Variants in SMYD3 observed in about 807,000 individuals in gnomAD.
SMYD3 encodes the protein histone-lysine N-methyltransferase SMYD3.
In SMYD3, 36 loss-of-function variants were observed where a neutral mutation model predicts 57.7. The observed-to-expected ratio is 0.62, with a 90% CI of 0.48 to 0.82. SMYD3 has a LOEUF of 0.82. Ranked by LOEUF, SMYD3 falls within the 40% of genes least tolerant of loss-of-function variation. SMYD3 has a pLI of 0.00. For synonymous variants in SMYD3, 211 were observed against 195.0 expected (o/e 1.08, Z -0.68); for missense variants, 515 against 538.8 (o/e 0.96, Z 0.44).
chr1:246,241,885 T>C (rs992329343), intron 5 of SMYD3, among the ~76,000 whole-genome samples: 13 of 152,252 alleles, frequency 8.5e-5, no homozygotes, highest in African/African-American at 3.1e-4. Flanking sequence ...TGCATAGAGG[T>C]GTTTATAGTA....
chr1:246,327,855 G>A (rs1412704215), intron 4 of SMYD3, among the ~76,000 whole-genome samples: 1 of 152,124 alleles, frequency 6.6e-6, no homozygotes, highest in Admixed American at 6.5e-5. Flanking sequence ...ATAGAACAGG[G>A]ATCAAGCACA....
At chr1:246,501,837 T>C (rs2068461002) in intron 1 of SMYD3, among the ~76,000 whole-genome samples, 1 of 152,200 alleles carries the variant, frequency 6.6e-6, no homozygotes, top group Non-Finnish European at 1.5e-5. Flanking sequence ...TTTTCAACAA[T>C]CCTACATTTC....
chr1:245,979,008 A>G (rs1240625231), intron 5 of SMYD3, among the ~76,000 whole-genome samples: 2 of 152,216 alleles, frequency 1.3e-5, no homozygotes, highest in Non-Finnish European at 2.9e-5. Context: ...CTACTACCGT[A>G]TATCAGAGAG....
intron 5 of SMYD3, among the ~76,000 whole-genome samples, chr1:246,191,051 T>A (rs2062730261): frequency 6.6e-6 from 1 of 152,242 alleles, no homozygotes; most frequent in Admixed American, 6.5e-5. Context: ...CTAAGGTAGT[T>A]CAGAGAGAAA....
chr1:246,065,014 T>C (rs2060317514), intron 5 of SMYD3, among the ~76,000 whole-genome samples: 1 of 152,268 alleles, frequency 6.6e-6, no homozygotes, highest in South Asian at 2.1e-4. Context: ...TCTTTGTGTG[T>C]GTGCATGGTT....
At position 245,844,292 on chromosome 1, in the gene SMYD3, C is replaced by T. The variant is rs181385915; in HGVS notation, c.1076+14204G>A. On this transcript the variant is annotated intron_variant, in intron 10 of 11. Transcript: ENST00000490107. ...CATCCTCAGCTAGAAACTGTCTAGA[C>T]GGGGTGATGGATACATGTACCCCAT... Among the ~76,000 whole-genome samples, 14 of 152,284 alleles carry T rather than the reference C, an allele frequency of 9.2e-5. No individual in the cohort carries two copies. The East Asian group carries it at 2.3e-3, about 25-fold the overall frequency.
At position 245,898,322 on chromosome 1, in the gene SMYD3, T is replaced by C. The variant is rs2053961908; in HGVS notation, c.813+17208A>G. Among the ~76,000 whole-genome samples, 3 of 152,262 alleles carry C rather than the reference T, an allele frequency of 2.0e-5. No homozygotes were observed. In the South Asian group the frequency reaches 6.2e-4, roughly 31 times the overall value. On this transcript the variant is annotated intron_variant, in intron 8 of 11. Coordinates refer to ENST00000490107, the MANE Select transcript of SMYD3 (RefSeq NM_001167740.2). ...GTAGATACATATATACATGTGTATGTATCCTTGTGAATGTGTGCGTGTAAG... is the reference window on the plus strand; with the variant it reads ...GTAGATACATATATACATGTGTATGCATCCTTGTGAATGTGTGCGTGTAAG...
chr1:246,102,763 A>G (rs1307130373), intron 5 of SMYD3, among the ~76,000 whole-genome samples: 1 of 151,872 alleles, frequency 6.6e-6, no homozygotes, highest in Non-Finnish European at 1.5e-5. Context: ...AAAAATAATA[A>G]TAATAATAAT....
intron 1 of SMYD3, among the ~76,000 whole-genome samples, chr1:246,488,154 T>C (rs749093092): frequency 2.0e-5 from 3 of 152,206 alleles, no homozygotes; most frequent in Non-Finnish European, 4.4e-5. Flanking sequence ...CGAAAAATTA[T>C]TATATTAAAG....
rs2063991131 is a variant in SMYD3 at position 246,260,723 on chromosome 1, GC to G, written c.531+66477del. Among the ~76,000 whole-genome samples, 3 of 151,802 alleles carry G rather than the reference GC, an allele frequency of 2.0e-5. No individual in the cohort carries two copies. The South Asian group carries it at 6.3e-4, about 32-fold the overall frequency. ...TAGATTACCAGGCGTGAGCCACTGC[GC>G]CCAGCCCCATTTTCCTTCTTGAAAA... On this transcript the variant is annotated intron_variant, in intron 5 of 11. Coordinates refer to ENST00000490107, the MANE Select transcript of SMYD3 (RefSeq NM_001167740.2).
At chr1:246,110,952 G>A (rs532582832) in intron 5 of SMYD3, among the ~76,000 whole-genome samples, 19 of 152,172 alleles carry the variant, frequency 1.2e-4, no homozygotes, top group South Asian at 4.2e-4. Flanking sequence ...ACTTAGGAGC[G>A]AACTCTGCAT....
At chr1:246,007,997 A>G (rs1308770168) in intron 5 of SMYD3, among the ~76,000 whole-genome samples, 1 of 152,222 alleles carries the variant, frequency 6.6e-6, no homozygotes, top group East Asian at 1.9e-4. Context: ...ACCAAAGGAA[A>G]AGTGTTTAAG....
chr1:246,179,122 G>T, intron 5 of SMYD3: 1 of 156,052 alleles, frequency 6.4e-6, no homozygotes, highest in South Asian at 2.0e-4. Flanking sequence ...AGAGGAGGAG[G>T]AGGAGAAGTA....
At chr1:245,774,966 G>C (rs3000196) in intron 10 of SMYD3, among the ~76,000 whole-genome samples, 8,386 of 152,216 alleles carry the variant, frequency 0.055, 768 homozygotes, top group African/African-American at 0.19. Flanking sequence ...GCCTCCCGGA[G>C]GTGCAGGGAT....
chr1:246,401,239 T>C (rs774952281), intron 1 of SMYD3, among the ~76,000 whole-genome samples: 5 of 152,170 alleles, frequency 3.3e-5, no homozygotes, highest in Non-Finnish European at 5.9e-5. Context: ...CTCACACCTC[T>C]AAATCTCAGC....
At chr1:246,190,777 C>G (rs2062724686) in intron 5 of SMYD3, among the ~76,000 whole-genome samples, 1 of 152,086 alleles carries the variant, frequency 6.6e-6, no homozygotes. Context: ...AGATTTTCAC[C>G]TTGTTCTCCA....
Position 246,123,334 on chromosome 1 carries a change from G to A in SMYD3, c.532-193397C>T, listed in dbSNP as rs1299923821. ...TGTCATCCCAGCACTTTGGGAGGCCGAGGTGGGCAGATCATGAGGCCAAGA... is the reference window on the plus strand; with the variant it reads ...TGTCATCCCAGCACTTTGGGAGGCCAAGGTGGGCAGATCATGAGGCCAAGA... On this transcript the variant is annotated intron_variant, in intron 5 of 11. Transcript: ENST00000490107. Among the ~76,000 whole-genome samples the A allele has an allele frequency of 4.6e-5, 7 of 152,210 alleles. No individual in the cohort carries two copies. In the South Asian group the frequency reaches 6.2e-4, roughly 14 times the overall value.
At chr1:245,997,728 A>T (rs2058959891) in intron 5 of SMYD3, among the ~76,000 whole-genome samples, 1 of 152,118 alleles carries the variant, frequency 6.6e-6, no homozygotes, top group South Asian at 2.1e-4. Context: ...CTCCACCACC[A>T]CCAGGGAAAC....
At chr1:246,136,119 C>T (rs1054889176) in intron 5 of SMYD3, among the ~76,000 whole-genome samples, 1 of 152,152 alleles carries the variant, frequency 6.6e-6, no homozygotes, top group Non-Finnish European at 1.5e-5. Flanking sequence ...GCACATGTTC[C>T]CAAACCACCA....
Sources: gnomAD v4.1 joint callset for allele counts (sites outside exome capture counted in the v4.1 genomes callset) on GRCh38, gnomAD v4.1.1 for gene constraint, MANE v1.5 for transcripts, NCBI Gene and HGNC (gene_info 2026-07-23, HGNC 2026-07-21) for gene names.